The following NOXRED1 variants were observed in gnomAD, a reference collection of about 807,000 sequenced individuals.
NOXRED1 encodes NADP dependent oxidoreductase domain containing 1.
A neutral mutation model predicts 30.4 loss-of-function variants in NOXRED1; 20 were observed. The ratio of observed to expected loss-of-function variants is 0.66; its 90% CI spans 0.46 to 0.96. The LOEUF (loss-of-function observed/expected upper bound fraction) is 0.96, where lower values mean the gene tolerates loss of function less well. NOXRED1 is among the 40% of genes least tolerant of loss of function. NOXRED1 has a pLI of 0.00. For synonymous variants in NOXRED1, 155 were observed against 168.0 expected, an observed-to-expected ratio of 0.92 and a Z score of 0.60; for missense variants, 374 against 428.0, an observed-to-expected ratio of 0.87 and a Z score of 1.11.
At chr14:77,411,065 A>G (rs1043933629) in intron 2 of NOXRED1, among the ~76,000 whole-genome samples, 1 of 152,244 alleles carries the variant, frequency 6.6e-6, no homozygotes, top group African/African-American at 2.4e-5. Flanking sequence ...TTTATTTGTA[A>G]TAGCCAGAAA....
intron 1 of NOXRED1, among the ~76,000 whole-genome samples, chr14:77,417,306 T>A (rs1212023553): frequency 1.3e-5 from 2 of 152,248 alleles, no homozygotes; most frequent in Non-Finnish European, 2.9e-5. Context: ...CATTAGGTTC[T>A]AATTGGTGTG....
chr14:77,411,830 G>T (rs1033318152), intron 2 of NOXRED1, among the ~76,000 whole-genome samples: 30 of 152,062 alleles, frequency 2.0e-4, no homozygotes, highest in Non-Finnish European at 2.9e-5. Flanking sequence ...AGTGGCTCAC[G>T]CCTGTAATCC....
chr14:77,406,132 C>T lies in NOXRED1; in HGVS notation c.686G>A (p.Gly229Glu), dbSNP rs759510067. ...CAACCACTTGATATTGAGGATTATT[C>T]CCCCTACACATCAATGAGAAGGTAA... ...QATCPYSPAG[G>E]IILNIKWLEG... The change falls in exon 5 of 6, where the codon GGA (glycine) becomes GAA (glutamate). Residue 229 changes from glycine (G) to glutamate (E), a missense_variant. Gly to Glu is a moderately conservative substitution (Grantham distance 98, BLOSUM62 -2). Coordinates refer to ENST00000380835, the MANE Select transcript of NOXRED1 (RefSeq NM_001113475.3). The T allele has an allele frequency of 1.2e-6, 2 of 1,605,892 alleles. No individual in the cohort carries two copies. Among genetic ancestry groups the T allele is most frequent in the Non-Finnish European group, 1.7e-6 (2 of 1,173,046 alleles).
chr14:77,398,020 G>A (rs907899870), intron 5 of NOXRED1, among the ~76,000 whole-genome samples: 2 of 152,136 alleles, frequency 1.3e-5, no homozygotes, highest in Non-Finnish European at 2.9e-5. Context: ...AAGAGAGGTA[G>A]GGTCAAGGGC....
intron 5 of NOXRED1, among the ~76,000 whole-genome samples, chr14:77,405,109 A>C (rs1404848035): frequency 1.3e-5 from 2 of 152,326 alleles, no homozygotes; most frequent in East Asian, 3.9e-4. Context: ...GAATGTTCAA[A>C]GCAGGCCAGG....
chr14:77,412,921 A>C (rs1894701154), intron 2 of NOXRED1, among the ~76,000 whole-genome samples: 1 of 152,182 alleles, frequency 6.6e-6, no homozygotes, highest in Non-Finnish European at 1.5e-5. Context: ...GAGAAAAAAA[A>C]AACACGGGAA....
intron 2 of NOXRED1, among the ~76,000 whole-genome samples, chr14:77,410,402 C>T (rs371119172): frequency 1.1e-4 from 17 of 151,982 alleles, no homozygotes; most frequent in African/African-American, 2.9e-4. Context: ...GCCAGGAGTT[C>T]GAGACCAGCC....
upstream of NOXRED1, among the ~76,000 whole-genome samples, chr14:77,425,950 G>A (rs1031584808): frequency 1.3e-5 from 2 of 152,248 alleles, no homozygotes; most frequent in Admixed American, 6.5e-5. Flanking sequence ...TGTTAGCTGG[G>A]TGTGGTGGCA....
intron 1 of NOXRED1, 128 bp downstream of exon 1, chr14:77,422,607 G>A: frequency 3.4e-6 from 3 of 870,592 alleles, no homozygotes; most frequent in Non-Finnish European, 5.7e-6. Flanking sequence ...CATTGACTCT[G>A]GGTTGGAAAA....
intron 3 of NOXRED1, 122 bp downstream of exon 3, chr14:77,407,343 C>G: frequency 1.4e-6 from 1 of 717,718 alleles, no homozygotes; most frequent in Non-Finnish European, 2.4e-6. Context: ...AAGCTGCTTC[C>G]TCCTTATTAC....
chr14:77,419,688 T>A (rs2139702315), intron 1 of NOXRED1, among the ~76,000 whole-genome samples: 1 of 151,946 alleles, frequency 6.6e-6, no homozygotes, highest in Admixed American at 6.6e-5. Context: ...GACATCGTGA[T>A]CCGCCCCCCT....
chr14:77,425,786 G>A (rs1345068849), upstream of NOXRED1, among the ~76,000 whole-genome samples: 4 of 152,238 alleles, frequency 2.6e-5, no homozygotes, highest in African/African-American at 7.2e-5. Flanking sequence ...AAGCAACTTC[G>A]AACATTGCCA....
intron 1 of NOXRED1, among the ~76,000 whole-genome samples, chr14:77,421,566 C>A (rs1475413236): frequency 4.6e-5 from 7 of 152,168 alleles, no homozygotes; most frequent in African/African-American, 1.4e-4. Context: ...AAACAGTGTT[C>A]ATTCAGGGTA....
chr14:77,406,774 G>A lies in NOXRED1; in HGVS notation c.632C>T (p.Ala211Val). The A allele has an allele frequency of 6.2e-7, 1 of 1,614,070 alleles. No homozygotes were observed. The highest frequency in any genetic ancestry group is 8.5e-7 in the Non-Finnish European group (1 of 1,179,884). Residue 211 changes from alanine (A) to valine (V), a missense_variant, in exon 4 of 6, where the codon GCT becomes GTT. By Grantham distance (64) the Ala-to-Val change is moderately conservative. Coordinates refer to ENST00000380835, the MANE Select transcript of NOXRED1 (RefSeq NM_001113475.3). ...VWGANKGVIA[A>V]LQDPTILQAT... The stretch of plus-strand genomic sequence containing the variant: ...TTGAAGAATCGTAGGATCTTGGAGA[G>A]CAGCTATGACTCCCTTATTGGCCCC...
intron 1 of NOXRED1, among the ~76,000 whole-genome samples, chr14:77,415,585 T>G (rs199923853): frequency 4.1e-5 from 6 of 145,422 alleles, no homozygotes; most frequent in South Asian, 2.3e-4. Flanking sequence ...AGAAAATACA[T>G]ATAGATAGAT....
intron 1 of NOXRED1, among the ~76,000 whole-genome samples, chr14:77,415,639 C>A (rs1594879554): frequency 6.7e-6 from 1 of 148,988 alleles, no homozygotes; most frequent in Non-Finnish European, 1.5e-5. Context: ...GATAGACAGA[C>A]AGACAGACAT....
intron 5 of NOXRED1, among the ~76,000 whole-genome samples, chr14:77,403,932 G>A (rs542538926): frequency 4.6e-5 from 7 of 152,250 alleles, no homozygotes; most frequent in South Asian, 2.1e-4. Flanking sequence ...AACCAGGCCC[G>A]ACCCTGCTTA....
chr14:77,415,925 G>A (rs1894810387), intron 1 of NOXRED1, among the ~76,000 whole-genome samples: 1 of 151,906 alleles, frequency 6.6e-6, no homozygotes, highest in African/African-American at 2.4e-5. Context: ...ATGTTGGCCA[G>A]GCTGGTCTCG....
In NOXRED1 at chr14:77,414,267, C is replaced by T. The variant is rs745382783; in HGVS notation, c.156-140G>A. ...GGTGATCTTGACTCACCGCAAGCTC[C>T]GCCTCCCAGGTTCACGCCATTCTCC... On this transcript the variant is annotated intron_variant, in intron 1 of 5. Coordinates refer to ENST00000380835, the MANE Select transcript of NOXRED1 (RefSeq NM_001113475.3). The T allele has an allele frequency of 8.3e-5, 42 of 505,320 alleles. 1 individual carries two copies. Among genetic ancestry groups the T allele is most frequent in the Non-Finnish European group, 9.8e-5 (29 of 296,026 alleles). 31.3% of individuals were successfully genotyped at this position (505,320 alleles called of 1,614,324 possible).
Sources: gnomAD v4.1 joint callset for allele counts (sites outside exome capture counted in the v4.1 genomes callset) on GRCh38, gnomAD v4.1.1 for gene constraint, MANE v1.5 for transcripts, NCBI Gene and HGNC (gene_info 2026-07-23, HGNC 2026-07-21) for gene names.